The following ZNF782 variants were observed in gnomAD, a reference collection of about 807,000 sequenced individuals.
The protein encoded by ZNF782 is zinc finger protein 782.
Under a neutral mutation model 13.0 loss-of-function variants are expected in ZNF782, and 12 were observed. That is an observed-to-expected ratio of 0.92 (90% CI 0.59 to 1.50). The LOEUF is 1.50. Among genes scored for constraint, ZNF782 ranks in the 40% most tolerant of loss-of-function variants. The probability of loss-of-function intolerance (pLI) is 0.00; values close to 1 mark genes in which losing one functional copy is unlikely to be tolerated. For missense variants in ZNF782, 770 were observed against 822.9 expected (o/e 0.94, Z 0.79); for synonymous variants, 284 against 283.0 (o/e 1.00, Z -0.04).
chr9:96,837,129 A>G (rs1301847626), intron 4 of ZNF782, among the ~76,000 whole-genome samples: 2 of 152,182 alleles, frequency 1.3e-5, no homozygotes, highest in African/African-American at 4.8e-5. Context: ...CTGGTTCTAC[A>G]AGATGCCCCA....
chr9:96,847,492 G>A lies in ZNF782; in HGVS notation c.16-2476C>T, dbSNP rs144795932. ...AAATGAAACTGGAAACATTACAACC[G>A]ACACCACAGAAATACAAAAGATCTT... On this transcript the variant is annotated intron_variant, in intron 3 of 5. Coordinates refer to ENST00000481138, the MANE Select transcript of ZNF782 (RefSeq NM_001001662.3). 4.0e-3 allele frequency among the ~76,000 whole-genome samples: 610 copies of A among 152,086 alleles called. 13 individuals are homozygous for A. Among genetic ancestry groups the A allele is most frequent in the East Asian group, 3.5e-3 (18 of 5,176 alleles).
At chr9:96,911,538 T>TTTA in the ZNF782 span, among the ~76,000 whole-genome samples, 1 of 146,642 alleles carries the variant, frequency 6.8e-6, no homozygotes, top group African/African-American at 2.5e-5. Flanking sequence ...TTTTTTTTTT[T>TTTA]GAGAGTTAGT....
intron 4 of ZNF782, among the ~76,000 whole-genome samples, chr9:96,841,916 T>C (rs186678223): frequency 1.6e-4 from 25 of 152,012 alleles, no homozygotes; most frequent in East Asian, 1.9e-4. Context: ...AGTAGTAAAC[T>C]GACCCTATAC....
chr9:96,825,032 C>A (rs1850567670), intron 5 of ZNF782, among the ~76,000 whole-genome samples: 1 of 151,036 alleles, frequency 6.6e-6, no homozygotes, highest in Non-Finnish European at 1.5e-5. Flanking sequence ...CAATGACTTT[C>A]TTCACAGAAT....
At chr9:96,909,745 T>C in the ZNF782 span, among the ~76,000 whole-genome samples, 1 of 151,880 alleles carries the variant, frequency 6.6e-6, no homozygotes, top group Non-Finnish European at 1.5e-5. Context: ...CAATGTTTCA[T>C]GCATAAAGTC....
At chr9:96,872,254 C>T (rs535718139) in intron 1 of ZNF782, among the ~76,000 whole-genome samples, 3 of 152,216 alleles carry the variant, frequency 2.0e-5, no homozygotes, top group African/African-American at 7.2e-5. Flanking sequence ...ACTAGTGGGC[C>T]GAGCACAGTG....
the ZNF782 span, among the ~76,000 whole-genome samples, chr9:96,922,990 C>T: frequency 6.8e-6 from 1 of 147,832 alleles, no homozygotes; most frequent in African/African-American, 2.5e-5. Context: ...AACCAATAAC[C>T]ATATCACATA....
At chr9:96,873,024 T>C (rs960172075) in intron 1 of ZNF782, among the ~76,000 whole-genome samples, 4 of 151,936 alleles carry the variant, frequency 2.6e-5, no homozygotes, top group African/African-American at 9.7e-5. Flanking sequence ...AATTTGACTT[T>C]AGCACACTGC....
At chr9:96,836,995 C>T (rs1336292739) in intron 4 of ZNF782, among the ~76,000 whole-genome samples, 1 of 152,144 alleles carries the variant, frequency 6.6e-6, no homozygotes, top group Non-Finnish European at 1.5e-5. Flanking sequence ...TTTCCAGCCA[C>T]CAGAATTGTG....
At chr9:96,873,662 C>T (rs1466163398) in intron 1 of ZNF782, among the ~76,000 whole-genome samples, 3 of 152,196 alleles carry the variant, frequency 2.0e-5, no homozygotes, top group South Asian at 2.1e-4. Context: ...AGCATGCCTG[C>T]GCTCCACCCT....
intron 4 of ZNF782, among the ~76,000 whole-genome samples, chr9:96,843,806 T>C (rs189803704): frequency 6.6e-6 from 1 of 152,054 alleles, no homozygotes; most frequent in Non-Finnish European, 1.5e-5. Context: ...TTAAAATATA[T>C]GCAAAAAATC....
At chr9:96,875,247 T>C (rs1289580935) in intron 1 of ZNF782, among the ~76,000 whole-genome samples, 1 of 152,208 alleles carries the variant, frequency 6.6e-6, no homozygotes, top group Non-Finnish European at 1.5e-5. Flanking sequence ...AGAGTACTTG[T>C]GAGGTTTAGG....
At chr9:96,905,539 G>T in the ZNF782 span, among the ~76,000 whole-genome samples, 1 of 151,202 alleles carries the variant, frequency 6.6e-6, no homozygotes, top group East Asian at 2.0e-4. Context: ...AGCCCATGCC[G>T]CTGCTCTGCC....
chr9:96,891,138 G>A, the ZNF782 span: 1 of 152,212 alleles, frequency 6.6e-6, no homozygotes, highest in African/African-American at 2.4e-5. Flanking sequence ...AGGATGCGGA[G>A]TTATTGCTCT....
the ZNF782 span, among the ~76,000 whole-genome samples, chr9:96,909,633 G>A: frequency 6.6e-6 from 1 of 151,810 alleles, no homozygotes; most frequent in East Asian, 1.9e-4. Context: ...AGGAAAGCCT[G>A]AAAGTAAAAT....
intron 3 of ZNF782, among the ~76,000 whole-genome samples, chr9:96,845,804 T>C (rs1355615371): frequency 6.6e-6 from 1 of 152,220 alleles, no homozygotes; most frequent in African/African-American, 2.4e-5. Context: ...AAAACTTCAC[T>C]GACCTGGCTA....
the ZNF782 span, among the ~76,000 whole-genome samples, chr9:96,907,968 C>G: frequency 6.6e-6 from 1 of 151,688 alleles, no homozygotes; most frequent in South Asian, 2.1e-4. Context: ...TTGAACATTG[C>G]TTATTTTTTA....
intron 5 of ZNF782, among the ~76,000 whole-genome samples, chr9:96,825,706 G>GA (rs1251425450): frequency 2.5e-4 from 38 of 151,886 alleles, no homozygotes; most frequent in Middle Eastern, 3.4e-3. Flanking sequence ...AAATTTACAA[G>GA]AAAAAAACAA....
chr9:96,866,584 C>T (rs185345879), intron 1 of ZNF782, among the ~76,000 whole-genome samples: 4 of 152,282 alleles, frequency 2.6e-5, no homozygotes, highest in South Asian at 2.1e-4. Context: ...CATACAGAGT[C>T]GCTACCTGGG....
Sources: gnomAD v4.1 joint callset for allele counts (sites outside exome capture counted in the v4.1 genomes callset) on GRCh38, gnomAD v4.1.1 for gene constraint, MANE v1.5 for transcripts, NCBI Gene and HGNC (gene_info 2026-07-23, HGNC 2026-07-21) for gene names.